COL5A2: variants seen among roughly 807,000 people sequenced by gnomAD.
COL5A2 encodes collagen type V alpha 2 chain, also known as collagen alpha-2(V) chain.
Under a neutral mutation model 208.2 loss-of-function variants are expected in COL5A2, and 23 were observed. That is an observed-to-expected ratio of 0.11 (90% confidence interval 0.08 to 0.16). The LOEUF (loss-of-function observed/expected upper bound fraction) is 0.16. Ranked by LOEUF, COL5A2 falls within the 10% of genes least tolerant of loss-of-function variation. The probability of loss-of-function intolerance (pLI) is 1.00; values close to 1 mark genes in which losing one functional copy is unlikely to be tolerated. For missense variants in COL5A2, 1,590 were observed against 1,956.4 expected (o/e 0.81, Z 3.53); for synonymous variants, 625 against 628.5 (o/e 0.99, Z 0.08).
chr2:189,439,460 A>AT, the COL5A2 span, among the ~76,000 whole-genome samples: 2 of 152,214 alleles, frequency 1.3e-5, no homozygotes, highest in Non-Finnish European at 2.9e-5. Context: ...AACTGTGAGC[A>AT]TAAGGACAAA....
At chr2:189,210,131 A>G (rs1689193391) in intron 1 of COL5A2, among the ~76,000 whole-genome samples, 3 of 152,230 alleles carry the variant, frequency 2.0e-5, no homozygotes, top group African/African-American at 7.2e-5. Flanking sequence ...GACATGAGGG[A>G]TGAAACAAAA....
intron 8 of COL5A2, 23 bp downstream of exon 8, chr2:189,088,672 T>C (rs1686717398): frequency 1.3e-6 from 2 of 1,582,098 alleles, no homozygotes; most frequent in East Asian, 2.2e-5. Flanking sequence ...AGTACTTCAA[T>C]GATCAGTAAA....
At chr2:189,331,229 T>C in the COL5A2 span, among the ~76,000 whole-genome samples, 2 of 151,978 alleles carry the variant, frequency 1.3e-5, no homozygotes, top group Non-Finnish European at 2.9e-5. Context: ...TCAGTGAAGT[T>C]GAAACAAAAA....
At chr2:189,315,357 A>C in the COL5A2 span, among the ~76,000 whole-genome samples, 2 of 152,238 alleles carry the variant, frequency 1.3e-5, no homozygotes, top group Admixed American at 1.3e-4. Flanking sequence ...CAATAGATGC[A>C]GAAAGGCTTT....
the COL5A2 span, among the ~76,000 whole-genome samples, chr2:189,249,365 C>T: frequency 2.5e-3 from 385 of 152,228 alleles, 2 homozygotes; most frequent in Non-Finnish European, 4.0e-3. Context: ...TATGTTATGG[C>T]AAAACTCCAG....
the COL5A2 span, among the ~76,000 whole-genome samples, chr2:189,231,657 T>C: frequency 2.6e-5 from 4 of 151,742 alleles, no homozygotes; most frequent in African/African-American, 9.7e-5. Context: ...AAAAAGGACA[T>C]ATGTAGATAT....
At chr2:189,299,070 G>A in the COL5A2 span, among the ~76,000 whole-genome samples, 58 of 152,188 alleles carry the variant, frequency 3.8e-4, no homozygotes, top group African/African-American at 1.3e-3. Flanking sequence ...ATTTTCTAAA[G>A]TTGTATTTTG....
In COL5A2 at chr2:189,064,973, G is replaced by GT. The variant is rs1559086729; in HGVS notation, c.1617+30dup. 1.9e-6 allele frequency: 3 copies of GT among 1,609,628 alleles called. No individual in the cohort carries two copies. The Admixed American group carries it at 5.0e-5, about 27-fold the overall frequency. On this transcript the variant is annotated intron_variant, in intron 24 of 53. Coordinates refer to ENST00000374866, the MANE Select transcript of COL5A2 (RefSeq NM_000393.5). The stretch of plus-strand genomic sequence containing the variant: ...TGGCATCTTCTGGAGCACCCCCCAC[G>GT]TAAGTATCAACATTGACAGGGCAAC...
At chr2:189,082,498 C>T (rs1686556762) in intron 12 of COL5A2, among the ~76,000 whole-genome samples, 1 of 152,220 alleles carries the variant, frequency 6.6e-6, no homozygotes, top group Non-Finnish European at 1.5e-5. Context: ...CCATCCTTAG[C>T]AGGCAACTTA....
the COL5A2 span, among the ~76,000 whole-genome samples, chr2:189,300,907 C>G: frequency 1.3e-5 from 2 of 152,182 alleles, no homozygotes; most frequent in East Asian, 1.9e-4. Flanking sequence ...GATGATCTGG[C>G]TGGGCATGGT....
the COL5A2 span, among the ~76,000 whole-genome samples, chr2:189,336,806 C>T: frequency 1.3e-5 from 2 of 152,094 alleles, no homozygotes; most frequent in Admixed American, 1.3e-4. Flanking sequence ...TAGTCAAAAT[C>T]TTTGGAATTG....
At chr2:189,166,641 C>T (rs138544720) in intron 1 of COL5A2, among the ~76,000 whole-genome samples, 19 of 152,262 alleles carry the variant, frequency 1.2e-4, no homozygotes, top group African/African-American at 4.1e-4. Context: ...TGGAACCCTC[C>T]GTGGGCAAGT....
At chr2:189,377,721 A>C in the COL5A2 span, among the ~76,000 whole-genome samples, 1 of 152,088 alleles carries the variant, frequency 6.6e-6, no homozygotes. Flanking sequence ...CAATCCCTCC[A>C]CTTTCTCCTC....
the COL5A2 span, among the ~76,000 whole-genome samples, chr2:189,401,577 A>G: frequency 6.6e-6 from 1 of 152,156 alleles, no homozygotes; most frequent in East Asian, 1.9e-4. Context: ...TTGGGCATAT[A>G]CCCAGTAATG....
At chr2:189,049,288 A>C in intron 44 of COL5A2, 59 bp downstream of exon 44, 1 of 1,216,600 alleles carries the variant, frequency 8.2e-7, no homozygotes, top group Non-Finnish European at 1.2e-6. Flanking sequence ...CTAAATGAAA[A>C]AAATTGTTTC....
chr2:189,285,191 C>T, the COL5A2 span, among the ~76,000 whole-genome samples: 1 of 151,488 alleles, frequency 6.6e-6, no homozygotes, highest in Non-Finnish European at 1.5e-5. Context: ...AACCCCTCTG[C>T]TTGTTCCTGC....
chr2:189,053,928 A>C lies in COL5A2; in HGVS notation c.2466T>G (p.Gly822=). 6.2e-7 allele frequency: 1 copy of C among 1,613,980 alleles called. No individual in the cohort carries two copies. ...CCCGGGAGCCAGGAGGGCCAACTAA[A>C]CCTCGAGGACCAGGTTCACCCTAGA... ...TGEKGEPGPR[G]LVGPPGSRGN... Residue 822 remains glycine (G), a synonymous_variant, in exon 37 of 54, where the codon GGT becomes GGG. Coordinates refer to ENST00000374866, the MANE Select transcript of COL5A2 (RefSeq NM_000393.5).
In COL5A2 at chr2:189,151,848, T is replaced by C. The variant is rs183949266; in HGVS notation, c.97+27660A>G. Among the ~76,000 whole-genome samples, 251 of 152,310 alleles carry C rather than the reference T, an allele frequency of 1.6e-3. 1 individual carries two copies. The highest frequency in any genetic ancestry group is 1.9e-3 in the Non-Finnish European group (126 of 68,020). On this transcript the variant is annotated intron_variant, in intron 1 of 53. Transcript: ENST00000374866. ...CTAGTAAGAAATTATATACAAGCTA[T>C]ATTTATTTAAAAGCCACTTTACTTT...
At chr2:189,363,875 A>G in the COL5A2 span, among the ~76,000 whole-genome samples, 1 of 152,250 alleles carries the variant, frequency 6.6e-6, no homozygotes. Flanking sequence ...AATGACTTCC[A>G]TGAATCCTGC....
Sources: allele counts gnomAD v4.1 joint callset (sites outside exome capture counted in the v4.1 genomes callset), GRCh38; gene constraint gnomAD v4.1.1; transcripts MANE v1.5; gene names NCBI Gene and HGNC (gene_info 2026-07-23, HGNC 2026-07-21).